Variants in ACTG2 observed in about 807,000 individuals in gnomAD.
ACTG2 encodes the protein actin, gamma-enteric smooth muscle.
In ACTG2, 16 loss-of-function variants were observed where a neutral mutation model predicts 37.6. That is an observed-to-expected ratio of 0.43 (90% confidence interval 0.29 to 0.65). ACTG2 has a LOEUF of 0.65. Among genes scored for constraint, ACTG2 ranks in the 30% least tolerant of loss-of-function variants. ACTG2 has a pLI of 0.18. For synonymous variants in ACTG2, 181 were observed against 179.9 expected (o/e 1.01, Z -0.05); for missense variants, 238 against 490.9 (o/e 0.48, Z 4.87).
At chr2:73,896,444 C>T (rs939492505) in intron 1 of ACTG2, among the ~76,000 whole-genome samples, 9 of 152,072 alleles carry the variant, frequency 5.9e-5, no homozygotes. Context: ...TCTACGGCAC[C>T]TTCATTTCCG....
intron 3 of ACTG2, among the ~76,000 whole-genome samples, chr2:73,904,064 G>T (rs1320776670): frequency 6.6e-6 from 1 of 151,020 alleles, no homozygotes; most frequent in African/African-American, 2.4e-5. Context: ...GGGCAACATG[G>T]TGATACCCTA....
intron 4 of ACTG2, 64 bp downstream of exon 4, chr2:73,908,847 T>C: frequency 7.0e-7 from 1 of 1,425,752 alleles, no homozygotes; most frequent in Non-Finnish European, 9.8e-7. Flanking sequence ...GGCCAGATAC[T>C]TTCTCCCCTT....
chr2:73,909,093 C>T lies in ACTG2; in HGVS notation c.405C>T (p.Val135=), dbSNP rs147940523. The part of the protein sequence containing the change: ...FETFNVPAMY[V]AIQAVLSLYA... ...CCTTCAATGTCCCTGCCATGTACGT[C>T]GCCATTCAAGCTGTGCTCTCCCTCT... is the stretch of plus-strand genomic sequence containing the variant. Residue 135 remains valine (V), a synonymous_variant, in exon 5 of 9, where the codon GTC becomes GTT. Transcript: ENST00000345517. The T allele has an allele frequency of 1.6e-5, 26 of 1,613,968 alleles. No individual in the cohort carries two copies. The highest frequency in any genetic ancestry group is 1.1e-4 in the African/African-American group (8 of 74,912).
In ACTG2 at chr2:73,901,315, T is replaced by G. The variant is rs774136655; in HGVS notation, c.4T>G (p.Cys2Gly). The change falls in exon 2 of 9, where the codon TGT (cysteine) becomes GGT (glycine). Residue 2 changes from cysteine to glycine, a missense_variant. Physicochemically the swap from Cys to Gly is radical, Grantham distance 159 (BLOSUM62 -3). Transcript: ENST00000345517. MCEEETTALVCD... is the reference protein window; with the variant it reads MGEEETTALVCD... Reference sequence around the variant, plus strand: ...AGCTCACTCAGCCACACACACCATGTGTGAAGAGGAGACCACCGCGCTCGT... The same window carrying G: ...AGCTCACTCAGCCACACACACCATGGGTGAAGAGGAGACCACCGCGCTCGT... 2.5e-6 allele frequency: 4 copies of G among 1,602,100 alleles called. No homozygotes were observed. Among genetic ancestry groups the G allele is most frequent in the Non-Finnish European group, 3.4e-6 (4 of 1,172,264 alleles).
intron 3 of ACTG2, among the ~76,000 whole-genome samples, chr2:73,904,668 T>A (rs35526689): frequency 0.53 from 78,442 of 148,512 alleles, 21,714 homozygotes; most frequent in Admixed American, 0.65. Context: ...TATTTTTTTT[T>A]AAAAATGTAT....
chr2:73,895,121 C>G (rs554158485), intron 1 of ACTG2, among the ~76,000 whole-genome samples: 1 of 152,144 alleles, frequency 6.6e-6, no homozygotes, highest in African/African-American at 2.4e-5. Context: ...TGGTGTGAGT[C>G]TGTGAGGGCA....
intron 1 of ACTG2, among the ~76,000 whole-genome samples, chr2:73,896,339 C>T (rs966249703): frequency 9.9e-5 from 11 of 110,604 alleles, no homozygotes; most frequent in African/African-American, 3.7e-4. Context: ...GAGTGAGGCC[C>T]AGTATCTCAA....
chr2:73,906,379 A>C (rs1021322184), intron 3 of ACTG2, among the ~76,000 whole-genome samples: 1 of 152,106 alleles, frequency 6.6e-6, no homozygotes, highest in African/African-American at 2.4e-5. Flanking sequence ...TGAACCCGGG[A>C]GGCGGAGCTT....
chr2:73,897,966 T>C (rs11893820), intron 1 of ACTG2, among the ~76,000 whole-genome samples: 6,336 of 152,326 alleles, frequency 0.042, 432 homozygotes, highest in African/African-American at 0.14. Context: ...AACATGAGTT[T>C]TGAGGGGGAC....
chr2:73,907,423 G>A (rs573771418), intron 3 of ACTG2, among the ~76,000 whole-genome samples: 18 of 152,228 alleles, frequency 1.2e-4, no homozygotes, highest in South Asian at 2.1e-4. Context: ...CTTTTTGGTC[G>A]TACTTGATCA....
intron 3 of ACTG2, among the ~76,000 whole-genome samples, chr2:73,904,771 GTGTGTGTATATATATATATATATATATA>G (rs1230681328): frequency 3.0e-4 from 6 of 20,064 alleles, no homozygotes; most frequent in Non-Finnish European, 4.9e-4. Flanking sequence ...GTGTGTGTGT[GTGTGTGTATATATATATATATATATATA>G]TATATATATA....
chr2:73,902,836 A>G lies in ACTG2; in HGVS notation c.255+348A>G, dbSNP rs896622810. 4 of 1,441,800 alleles carry G rather than the reference A, an allele frequency of 2.8e-6. No homozygotes were observed. In the Admixed American group the frequency reaches 8.8e-5, roughly 32 times the overall value. The allele number at this position is 1,441,800 out of a possible 1,614,324, so 89.3% of individuals were successfully genotyped here. On this transcript the variant is annotated intron_variant, in intron 3 of 8. Coordinates refer to ENST00000345517, the MANE Select transcript of ACTG2 (RefSeq NM_001615.4). ...TTCATTAACCAACAGGGGGTTCCTA[A>G]CTCCCCGTCTTGGCATTGGAGGACC...
intron 1 of ACTG2, among the ~76,000 whole-genome samples, chr2:73,899,870 G>A (rs554669461): frequency 8.5e-5 from 13 of 152,322 alleles, no homozygotes; most frequent in Non-Finnish European, 1.8e-4. Context: ...GATTTAAGAA[G>A]TCACAGCAGG....
At chr2:73,917,724 CT>C (rs1680298860) in intron 8 of ACTG2, among the ~76,000 whole-genome samples, 1 of 152,184 alleles carries the variant, frequency 6.6e-6, no homozygotes, top group African/African-American at 2.4e-5. Context: ...GGCCTTCCCC[CT>C]GCCTAACAGA....
At chr2:73,905,087 C>T (rs1355258877) in intron 3 of ACTG2, among the ~76,000 whole-genome samples, 1 of 151,834 alleles carries the variant, frequency 6.6e-6, no homozygotes, top group Non-Finnish European at 1.5e-5. Context: ...AATGAAACTT[C>T]CAGCATCAGA....
intron 6 of ACTG2, among the ~76,000 whole-genome samples, chr2:73,914,222 A>G (rs1443656422): frequency 1.3e-5 from 2 of 152,008 alleles, no homozygotes; most frequent in Admixed American, 1.3e-4. Context: ...GTGACGCTTG[A>G]CCCTCTTCGC....
At chr2:73,901,234 T>G (rs1653258) in intron 1 of ACTG2, 42 bp from the exon 2 acceptor site, 791,074 of 1,418,874 alleles carry the variant, frequency 0.56, 226,534 homozygotes, top group Admixed American at 0.69. Flanking sequence ...CAAACTGATT[T>G]GACAAGTGGC....
intron 6 of ACTG2, 63 bp from the exon 7 acceptor site, chr2:73,914,617 A>C: frequency 1.5e-6 from 2 of 1,369,424 alleles, no homozygotes; most frequent in Non-Finnish European, 1.9e-6. Context: ...CATGGAGATC[A>C]AAATGGGACA....
chr2:73,907,738 C>T (rs1287518340), intron 3 of ACTG2, among the ~76,000 whole-genome samples: 1 of 152,198 alleles, frequency 6.6e-6, no homozygotes, highest in Non-Finnish European at 1.5e-5. Context: ...TCCCAAAGGA[C>T]ATTTGGCAAT....
Sources: gnomAD v4.1 joint callset for allele counts (sites outside exome capture counted in the v4.1 genomes callset) on GRCh38, gnomAD v4.1.1 for gene constraint, MANE v1.5 for transcripts, NCBI Gene and HGNC (gene_info 2026-07-23, HGNC 2026-07-21) for gene names.